Variants in HRK observed in about 807,000 individuals in gnomAD.
HRK encodes harakiri, BCL2 interacting protein, also known as activator of apoptosis harakiri.
A neutral mutation model predicts 5.9 loss-of-function variants in HRK; 6 were observed. The ratio of observed to expected loss-of-function variants is 1.02; its 90% CI spans 0.56 to 2.01. HRK has a LOEUF of 2.01. HRK is among the 30% of genes most tolerant of loss of function. HRK has a pLI of 0.00. For synonymous variants in HRK, 85 were observed against 65.1 expected (o/e 1.31, Z -1.47); for missense variants, 133 against 128.3 (o/e 1.04, Z -0.18).
At position 116,871,459 on chromosome 12, in the gene HRK, C is replaced by T. The variant is rs374113294; in HGVS notation, c.*56+9517G>A. 4.0e-5 allele frequency among the ~76,000 whole-genome samples: 6 copies of T among 151,612 alleles called. No homozygotes were observed. In the East Asian group the frequency reaches 1.2e-3, roughly 30 times the overall value. On this transcript the variant is annotated intron_variant, in intron 1 of 1. Transcript: ENST00000257572. ...CTGGGACTATAGGCATGTGCCACCA[C>T]ACCAGGCTAATTTGTTTCTATTTTT...
Position 116,859,797 on chromosome 12 carries a change from T to C in HRK, c.*1726A>G, listed in dbSNP as rs1417574951. The C allele has an allele frequency of 6.6e-6, 1 of 152,210 alleles. No individual in the cohort carries two copies. The highest frequency in any genetic ancestry group is 1.5e-5 in the Non-Finnish European group (1 of 68,054). 9.4% of individuals were successfully genotyped at this position (152,210 alleles called of 1,614,324 possible). On this transcript the variant is annotated 3_prime_UTR_variant, in exon 2 of 2. Transcript: ENST00000257572. The stretch of plus-strand genomic sequence containing the variant: ...GACAGAAAGAAATCCAGCTCCCAGC[T>C]TGCAGCAGCACTGAGAGGTTGTACA...
intron 1 of HRK, among the ~76,000 whole-genome samples, chr12:116,865,223 C>A (rs140387242): frequency 7.9e-5 from 12 of 152,236 alleles, no homozygotes; most frequent in African/African-American, 2.9e-4. Flanking sequence ...TGGATTCCCT[C>A]CTAAGAGGCC....
chr12:116,881,267 G>A lies in HRK; in HGVS notation c.41C>T (p.Ala14Val), dbSNP rs1879146194. 1 of 1,081,924 alleles carries A rather than the reference G, an allele frequency of 9.2e-7. No individual in the cohort carries two copies. The highest frequency in any genetic ancestry group is 4.3e-5 in the South Asian group (1 of 22,996). 67.0% of individuals were successfully genotyped at this position (1,081,924 alleles called of 1,614,324 possible). A position where few individuals can be genotyped will look rare whatever the true frequency, so the allele number is the denominator to read the frequency against. ...CPLHRGRGPP[A>V]VCACSAGRLG... ...GCGACCCGCGCTGCAGGCGCACACG[G>A]CCGGGGGGCCGCGGCCGCGGTGCAG... is the stretch of plus-strand genomic sequence containing the variant. Residue 14 changes from alanine to valine, a missense_variant, in exon 1 of 2, where the codon GCC becomes GTC. By Grantham distance (64) the Ala-to-Val change is moderately conservative. Transcript: ENST00000257572.
chr12:116,874,858 T>C (rs1477034589), intron 1 of HRK, among the ~76,000 whole-genome samples: 4 of 152,002 alleles, frequency 2.6e-5, no homozygotes, highest in Admixed American at 2.6e-4. Context: ...GACATGTAAA[T>C]AAGGTTGCCT....
chr12:116,863,944 G>C (rs11068215), intron 1 of HRK, among the ~76,000 whole-genome samples: 6,358 of 151,914 alleles, frequency 0.042, 319 homozygotes, highest in East Asian at 0.13. Context: ...TCAAGCAATC[G>C]TCCCGCATTG....
In HRK at chr12:116,860,103, G is replaced by A. The variant is rs1344555255; in HGVS notation, c.*1420C>T. ...ATCCAGCCTTGGAGAATGACCGTCC[G>A]AATCTGCAGCCTGACACCTCGCCAC... On this transcript the variant is annotated 3_prime_UTR_variant, in exon 2 of 2. Transcript: ENST00000257572. 1 of 152,032 alleles carries A rather than the reference G, an allele frequency of 6.6e-6. No individual in the cohort carries two copies. The highest frequency in any genetic ancestry group is 2.4e-5 in the African/African-American group (1 of 41,344). The allele number at this position is 152,032 out of a possible 1,614,324, so 9.4% of individuals were successfully genotyped here.
chr12:116,863,645 C>CTA (rs546703002), intron 1 of HRK, among the ~76,000 whole-genome samples: 11 of 151,810 alleles, frequency 7.2e-5, no homozygotes, highest in Non-Finnish European at 1.5e-4. Flanking sequence ...ACCCCATAGT[C>CTA]TATGTCAGCT....
At chr12:116,869,465 G>T (rs1015561977) in intron 1 of HRK, 14 of 152,170 alleles carry the variant, frequency 9.2e-5, no homozygotes, top group African/African-American at 3.1e-4. Flanking sequence ...CTGAATCTGC[G>T]CCAGCTGCTT....
chr12:116,870,296 C>G (rs1318200804), intron 1 of HRK, among the ~76,000 whole-genome samples: 4 of 152,140 alleles, frequency 2.6e-5, no homozygotes, highest in African/African-American at 9.7e-5. Flanking sequence ...TTCCTGCCCC[C>G]AGGATGATAG....
rs1282325104 is a variant in HRK, at chr12:116,879,076, C to T, written c.*56+1900G>A. 1.3e-5 allele frequency: 2 copies of T among 152,194 alleles called. No individual in the cohort carries two copies. Among genetic ancestry groups the T allele is most frequent in the Non-Finnish European group, 2.9e-5 (2 of 68,070 alleles). The allele number at this position is 152,194 out of a possible 1,614,324, so 9.4% of individuals were successfully genotyped here. A position where few individuals can be genotyped will look rare whatever the true frequency, so the allele number is the denominator to read the frequency against. On this transcript the variant is annotated intron_variant, in intron 1 of 1. Coordinates refer to ENST00000257572, the MANE Select transcript of HRK (RefSeq NM_003806.4). The surrounding 1 kb of genome is among the most constrained non-coding windows in gnomAD (Gnocchi z 5.6). Reference sequence around the variant, plus strand: ...GCATTCCCACCCCGACACTCACACACCGGCAAACAGGAACACACAGTCAGG... The same window carrying T: ...GCATTCCCACCCCGACACTCACACATCGGCAAACAGGAACACACAGTCAGG...
At chr12:116,868,041 A>G (rs967307434) in intron 1 of HRK, among the ~76,000 whole-genome samples, 1 of 152,128 alleles carries the variant, frequency 6.6e-6, no homozygotes, top group Non-Finnish European at 1.5e-5. Flanking sequence ...TTTCTGCCAC[A>G]TGGGAATACA....
Position 116,861,260 on chromosome 12 carries a change from T to C in HRK, c.*263A>G, listed in dbSNP as rs987472617. On this transcript the variant is annotated 3_prime_UTR_variant, in exon 2 of 2. Transcript: ENST00000257572. ...TTCTTTTTTTATATATATAGAGCTG[T>C]ATGTAAATAGCATTGGGGTGTCTGT... 1 of 152,238 alleles carries C rather than the reference T, an allele frequency of 6.6e-6. No individual in the cohort carries two copies. The highest frequency in any genetic ancestry group is 1.5e-5 in the Non-Finnish European group (1 of 68,058). The allele number at this position is 152,238 out of a possible 1,614,324, so 9.4% of individuals were successfully genotyped here. A position where few individuals can be genotyped will look rare whatever the true frequency, so the allele number is the denominator to read the frequency against.
chr12:116,877,161 C>T (rs1878963592), intron 1 of HRK, among the ~76,000 whole-genome samples: 1 of 152,088 alleles, frequency 6.6e-6, no homozygotes. Flanking sequence ...AGTGATCCTC[C>T]CACCTCAGCC....
In HRK at chr12:116,858,197, A is replaced by G. The variant is rs1878225839; in HGVS notation, c.*3326T>C. 1 of 151,868 alleles carries G rather than the reference A, an allele frequency of 6.6e-6. No homozygotes were observed. Among genetic ancestry groups the G allele is most frequent in the African/African-American group, 2.4e-5 (1 of 41,322 alleles). The allele number at this position is 151,868 out of a possible 1,614,324, so 9.4% of individuals were successfully genotyped here. ...GCAGGGCCAAAAAAAACCCAAAAAA[A>G]AACAAAACAGGAACTGGGGTCTAGG... On this transcript the variant is annotated 3_prime_UTR_variant, in exon 2 of 2. Coordinates refer to ENST00000257572, the MANE Select transcript of HRK (RefSeq NM_003806.4).
intron 1 of HRK, among the ~76,000 whole-genome samples, chr12:116,868,269 T>TGCCTGACTG (rs1878620103): frequency 9.8e-6 from 1 of 101,560 alleles, no homozygotes; most frequent in Non-Finnish European, 2.0e-5. Flanking sequence ...ATGCCTGACT[T>TGCCTGACTG]TTAAGTGTTG....
intron 1 of HRK, among the ~76,000 whole-genome samples, chr12:116,868,350 C>T (rs1194899524): frequency 6.6e-6 from 1 of 152,158 alleles, no homozygotes; most frequent in East Asian, 1.9e-4. Context: ...CCCATTTTCA[C>T]CCTGCCTGAG....
At chr12:116,868,452 A>G (rs747662710) in intron 1 of HRK, among the ~76,000 whole-genome samples, 8 of 152,222 alleles carry the variant, frequency 5.3e-5, no homozygotes, top group Non-Finnish European at 1.2e-4. Flanking sequence ...CTCCATCTGT[A>G]CAATGACGGA....
intron 1 of HRK, among the ~76,000 whole-genome samples, chr12:116,865,548 A>T (rs1878513118): frequency 1.3e-5 from 2 of 152,120 alleles, no homozygotes; most frequent in African/African-American, 4.8e-5. Context: ...AAATAAATAA[A>T]ATTTAAAAAA....
chr12:116,880,955 C>T, intron 1 of HRK, 21 bp downstream of exon 1: 2 of 1,094,040 alleles, frequency 1.8e-6, no homozygotes, highest in African/African-American at 1.7e-5. Context: ...CGCCCCGGCT[C>T]TCGCTCGCTC....
Sources: allele counts gnomAD v4.1 joint callset (sites outside exome capture counted in the v4.1 genomes callset), GRCh38; gene constraint gnomAD v4.1.1; non-coding constraint Gnocchi (gnomAD v3.1); transcripts MANE v1.5; gene names NCBI Gene and HGNC (gene_info 2026-07-23, HGNC 2026-07-21).